Variants in TNFSF14 observed in about 807,000 individuals in gnomAD.
TNFSF14 encodes the protein TNF superfamily member 14.
Under a neutral mutation model 22.7 loss-of-function variants are expected in TNFSF14, and 15 were observed. That is an observed-to-expected ratio of 0.66 (90% CI 0.44 to 1.02). The LOEUF is 1.02. Among genes scored for constraint, TNFSF14 ranks in the 50% least tolerant of loss-of-function variants. TNFSF14 has a pLI of 0.00. For missense variants in TNFSF14, 287 were observed against 326.2 expected (o/e 0.88, Z 0.93); for synonymous variants, 133 against 139.6 (o/e 0.95, Z 0.33).
At chr19:6,666,945 T>C (rs577844931) in intron 3 of TNFSF14, among the ~76,000 whole-genome samples, 168 bp downstream of exon 3, 1 of 151,192 alleles carries the variant, frequency 6.6e-6, no homozygotes, top group African/African-American at 2.4e-5. Context: ...TAAAAAATAA[T>C]AAAATAAATA....
At chr19:6,666,194 T>G (rs987251834) in intron 3 of TNFSF14, among the ~76,000 whole-genome samples, 1 of 150,752 alleles carries the variant, frequency 6.6e-6, no homozygotes, top group Non-Finnish European at 1.5e-5. Context: ...GGAGTTTGAG[T>G]CCAGGAGTTC....
rs1917311455 is a variant in TNFSF14, at chr19:6,663,541, G to A, written c.*1385C>T. ...ACCAGGTCTGACTATAACTTGGTCT[G>A]TCTGTGTCTAATGTAATGAGTATTA... On this transcript the variant is annotated 3_prime_UTR_variant, in exon 4 of 4. Transcript: ENST00000675206. 1 of 152,668 alleles carries A rather than the reference G, an allele frequency of 6.6e-6. No homozygotes were observed. The highest frequency in any genetic ancestry group is 1.5e-5 in the Non-Finnish European group (1 of 68,064). 9.5% of individuals were successfully genotyped at this position (152,668 alleles called of 1,614,324 possible).
intron 1 of TNFSF14, among the ~76,000 whole-genome samples, chr19:6,669,181 A>G (rs1917518666): frequency 6.6e-6 from 1 of 152,036 alleles, no homozygotes; most frequent in East Asian, 1.9e-4. Context: ...TCGCAGTAAC[A>G]GTAATAAGAG....
At chr19:6,668,811 T>C (rs1917505909) in intron 1 of TNFSF14, among the ~76,000 whole-genome samples, 1 of 152,126 alleles carries the variant, frequency 6.6e-6, no homozygotes, top group Non-Finnish European at 1.5e-5. Context: ...ATCATGACGC[T>C]GAGAAGACAC....
rs186216580 is a variant in TNFSF14, at chr19:6,670,022, C to T, written c.48G>A (p.Gln16=). The change falls in exon 1 of 4, where the codon CAG becomes CAA. Residue 16 remains glutamine, a synonymous_variant. Transcript: ENST00000675206. ...VRPSVFVVDG[Q]TDIPFTRLGR... ...CCAGCCTCGTGAATGGGATGTCGGT[C>T]TGTCCATCCACCACAAACACTGAGG... The T allele has an allele frequency of 2.5e-6, 4 of 1,614,202 alleles. No individual in the cohort carries two copies. Among genetic ancestry groups the T allele is most frequent in the East Asian group, 2.2e-5 (1 of 44,878 alleles).
intron 3 of TNFSF14, 93 bp from the exon 4 acceptor site, chr19:6,665,443 C>A: frequency 7.4e-7 from 1 of 1,359,888 alleles, no homozygotes; most frequent in Non-Finnish European, 9.7e-7. Context: ...GAGTCTCGCT[C>A]TGTGGACCAG....
intron 1 of TNFSF14, 116 bp from the exon 2 acceptor site, chr19:6,667,565 C>T (rs948880369): frequency 3.5e-6 from 4 of 1,153,758 alleles, no homozygotes; most frequent in African/African-American, 1.6e-5. Context: ...CCCTCAGACA[C>T]GTACACAGGG....
At chr19:6,670,394 AAT>A (rs1917573031), upstream of TNFSF14, 2 of 666,234 alleles carry the variant, frequency 3.0e-6, no homozygotes, top group Non-Finnish European at 2.1e-6. Flanking sequence ...GGGGCCACCA[AAT>A]ATCGACTGAG....
chr19:6,667,658 T>C (rs1359524976), intron 1 of TNFSF14, among the ~76,000 whole-genome samples: 1 of 152,190 alleles, frequency 6.6e-6, no homozygotes, highest in Non-Finnish European at 1.5e-5. Flanking sequence ...TCTATGTAAA[T>C]GGAGTTACGA....
At position 6,664,770 on chromosome 19, in the gene TNFSF14, C is replaced by T; in HGVS notation, c.*156G>A. 1.1e-6 allele frequency: 1 copy of T among 893,668 alleles called. No homozygotes were observed. The highest frequency in any genetic ancestry group is 1.7e-6 in the Non-Finnish European group (1 of 592,272). 55.4% of individuals were successfully genotyped at this position (893,668 alleles called of 1,614,324 possible). On this transcript the variant is annotated 3_prime_UTR_variant, in exon 4 of 4. Coordinates refer to ENST00000675206, the MANE Select transcript of TNFSF14 (RefSeq NM_001376887.1). This position sits in a 1 kb window ranked among gnomAD's most constrained non-coding sequence, Gnocchi z 4.7. ...AGCCAGGCTGGTCTCGAACTCCTGA[C>T]CTCAGGTGATCCGCCTGCCTTGGCC...
Position 6,665,035 on chromosome 19 carries a change from C to G in TNFSF14, c.614G>C (p.Gly205Ala). ...RVWWDSSFLG[G>A]VVHLEAGEKV... ...CTCCCCAGCCTCCAGGTGTACCACA[C>G]CACCCAGGAAGCTGCTGTCCCACCA... The change falls in exon 4 of 4, where the codon GGT becomes GCT. Residue 205 changes from glycine (G) to alanine (A), a missense_variant. Coordinates refer to ENST00000675206, the MANE Select transcript of TNFSF14 (RefSeq NM_001376887.1). 4 of 1,614,182 alleles carry G rather than the reference C, an allele frequency of 2.5e-6. No homozygotes were observed. Among genetic ancestry groups the G allele is most frequent in the Non-Finnish European group, 3.4e-6 (4 of 1,180,008 alleles).
intron 3 of TNFSF14, 72 bp from the exon 4 acceptor site, chr19:6,665,422 T>G: frequency 7.0e-7 from 1 of 1,432,174 alleles, no homozygotes; most frequent in Admixed American, 2.6e-5. Context: ...TTTGTTTGTT[T>G]GTTTGACACA....
rs889434909 is a variant in TNFSF14, at chr19:6,661,887, T to G, written c.*3039A>C. On this transcript the variant is annotated 3_prime_UTR_variant, in exon 4 of 4. Transcript: ENST00000675206. The stretch of plus-strand genomic sequence containing the variant: ...ACCTATCTGGCATGTGAGAAAATGA[T>G]ATATAGCTACTGACGGGGATTTCCT... 1 of 152,214 alleles carries G rather than the reference T, an allele frequency of 6.6e-6. No individual in the cohort carries two copies. Among genetic ancestry groups the G allele is most frequent in the African/African-American group, 2.4e-5 (1 of 41,444 alleles). 9.4% of individuals were successfully genotyped at this position (152,214 alleles called of 1,614,324 possible). A position where few individuals can be genotyped will look rare whatever the true frequency, so the allele number is the denominator to read the frequency against.
intron 1 of TNFSF14, among the ~76,000 whole-genome samples, chr19:6,667,959 T>C (rs757127907): frequency 6.6e-6 from 1 of 152,132 alleles, no homozygotes; most frequent in African/African-American, 2.4e-5. Flanking sequence ...GAGGATCGCT[T>C]GAACCTGGGA....
intron 3 of TNFSF14, among the ~76,000 whole-genome samples, chr19:6,665,664 CT>C (rs1293338687): frequency 1.3e-5 from 2 of 152,088 alleles, no homozygotes; most frequent in Non-Finnish European, 2.9e-5. Flanking sequence ...CCGCCTCGGC[CT>C]CCCAGAGTGC....
chr19:6,665,093 G>C lies in TNFSF14; in HGVS notation c.556C>G (p.Pro186Ala). 1 of 1,614,044 alleles carries C rather than the reference G, an allele frequency of 6.2e-7. No individual in the cohort carries two copies. The highest frequency in any genetic ancestry group is 1.3e-5 in the African/African-American group (1 of 75,072). Residue 186 changes from proline to alanine, a missense_variant, in exon 4 of 4, where the codon CCC becomes GCC. Transcript: ENST00000675206. ...ELELLVSQQS[P>A]CGRATSSSRV... ...GAGCTGCTGGTGGCCCGTCCGCAGG[G>C]TGACTGCTGGCTGACCAACAGCTCC...
intron 1 of TNFSF14, 56 bp downstream of exon 1, chr19:6,669,795 G>A: frequency 6.3e-7 from 1 of 1,586,830 alleles, no homozygotes; most frequent in Admixed American, 1.7e-5. Context: ...GACCCACAAT[G>A]ACACAGGGGA....
chr19:6,667,439 G>A lies in TNFSF14; in HGVS notation c.230C>T (p.Ala77Val), dbSNP rs148549412. ...EMVTRLPDGP[A>V]GSWEQLIQER... ...TTGTATCAGCTGCTCCCAGGAGCCT[G>A]CAGGTCCGTCCTGAAAATGCAGAAG... Residue 77 changes from alanine (A) to valine (V), a missense_variant, in exon 2 of 4, where the codon GCA becomes GTA. Physicochemically the swap from Ala to Val is moderately conservative, Grantham distance 64 (BLOSUM62 0). Coordinates refer to ENST00000675206, the MANE Select transcript of TNFSF14 (RefSeq NM_001376887.1). The A allele has an allele frequency of 7.4e-5, 115 of 1,562,806 alleles. No individual in the cohort carries two copies. In the East Asian group the frequency reaches 2.6e-3, roughly 36 times the overall value.
chr19:6,667,598 A>G (rs1445307285), intron 1 of TNFSF14, 149 bp from the exon 2 acceptor site: 5 of 823,720 alleles, frequency 6.1e-6, no homozygotes, highest in Non-Finnish European at 9.2e-6. Context: ...ACTTGCAGAC[A>G]CACACCCCCT....
Sources: allele counts gnomAD v4.1 joint callset (sites outside exome capture counted in the v4.1 genomes callset), GRCh38; gene constraint gnomAD v4.1.1; non-coding constraint Gnocchi (gnomAD v3.1); transcripts MANE v1.5; gene names NCBI Gene and HGNC (gene_info 2026-07-23, HGNC 2026-07-21).